The following TINAG variants were observed in gnomAD, a reference collection of about 807,000 sequenced individuals.
TINAG encodes the protein tubulointerstitial nephritis antigen.
A neutral mutation model predicts 72.7 loss-of-function variants in TINAG; 83 were observed. That is an observed-to-expected ratio of 1.14 (90% CI 0.96 to 1.37). The LOEUF (loss-of-function observed/expected upper bound fraction) is 1.37. Among genes scored for constraint, TINAG ranks in the 40% most tolerant of loss-of-function variants. TINAG has a pLI of 0.00. For synonymous variants in TINAG, 234 were observed against 189.9 expected (o/e 1.23, Z -1.91); for missense variants, 685 against 576.6 (o/e 1.19, Z -1.93).
At chr6:54,374,679 G>T (rs1300897372) in intron 9 of TINAG, among the ~76,000 whole-genome samples, 2 of 151,984 alleles carry the variant, frequency 1.3e-5, no homozygotes, top group Non-Finnish European at 2.9e-5. Context: ...ACCTCTGAAA[G>T]CAAAATCCTA....
At chr6:54,354,412 T>G in intron 8 of TINAG, 101 bp from the exon 9 acceptor site, 4 of 1,078,900 alleles carry the variant, frequency 3.7e-6, no homozygotes, top group Non-Finnish European at 5.3e-6. Context: ...TAGATTCATC[T>G]CCTTGCAATT....
chr6:54,326,461 C>T (rs1237645344), intron 3 of TINAG, among the ~76,000 whole-genome samples: 1 of 151,938 alleles, frequency 6.6e-6, no homozygotes, highest in Non-Finnish European at 1.5e-5. Context: ...AAGTGCATTT[C>T]TGTATATTTA....
rs150419952 is a variant in TINAG at position 54,329,947 on chromosome 6, A to C, written c.624+3031A>C. 5.8e-3 allele frequency among the ~76,000 whole-genome samples: 879 copies of C among 152,302 alleles called. 11 individuals are homozygous for C. Among genetic ancestry groups the C allele is most frequent in the African/African-American group, 0.02 (829 of 41,562 alleles). On this transcript the variant is annotated intron_variant, in intron 4 of 10. Transcript: ENST00000259782. The stretch of plus-strand genomic sequence containing the variant: ...ACTATCATGAATATGTATGCACCCA[A>C]TACAGGAGCACCCAGATTCATAAAG...
chr6:54,368,036 A>G (rs1198651643), intron 9 of TINAG, among the ~76,000 whole-genome samples: 1 of 151,640 alleles, frequency 6.6e-6, no homozygotes, highest in Non-Finnish European at 1.5e-5. Context: ...ATGGGAGTTA[A>G]GATTTCAACA....
intron 4 of TINAG, among the ~76,000 whole-genome samples, chr6:54,328,744 C>G (rs1052578032): frequency 2.6e-5 from 4 of 151,880 alleles, no homozygotes; most frequent in African/African-American, 4.8e-5. Context: ...ACAGGAACTA[C>G]TAACCAGAAT....
chr6:54,369,196 GC>G (rs1399624314), intron 9 of TINAG, among the ~76,000 whole-genome samples: 1 of 151,816 alleles, frequency 6.6e-6, no homozygotes, highest in Non-Finnish European at 1.5e-5. Context: ...CTCCTCATGA[GC>G]TTACTCATCT....
intron 8 of TINAG, among the ~76,000 whole-genome samples, chr6:54,353,563 G>A (rs1179128672): frequency 6.6e-6 from 1 of 151,830 alleles, no homozygotes; most frequent in East Asian, 1.9e-4. Flanking sequence ...CTCTAGGAAT[G>A]TGTTTTAGAG....
chr6:54,386,478 C>T (rs890587708), intron 10 of TINAG, among the ~76,000 whole-genome samples: 1 of 152,184 alleles, frequency 6.6e-6, no homozygotes, highest in Middle Eastern at 3.4e-3. Context: ...TGGGTCCAAG[C>T]CCCCATTTTC....
intron 9 of TINAG, among the ~76,000 whole-genome samples, chr6:54,362,559 G>C (rs1763272678): frequency 6.6e-6 from 1 of 151,638 alleles, no homozygotes; most frequent in South Asian, 2.1e-4. Context: ...TGTACAAGGA[G>C]ATTAATGTTG....
At chr6:54,314,241 C>G (rs1784322794) in intron 1 of TINAG, among the ~76,000 whole-genome samples, 1 of 152,164 alleles carries the variant, frequency 6.6e-6, no homozygotes, top group Admixed American at 6.6e-5. Context: ...CCTGGATTCA[C>G]TTTGTCATTA....
chr6:54,347,390 A>T lies in TINAG; in HGVS notation c.772A>T (p.Ile258Phe). 1.2e-6 allele frequency: 2 copies of T among 1,612,828 alleles called. No homozygotes were observed. The highest frequency in any genetic ancestry group is 1.7e-6 in the Non-Finnish European group (2 of 1,179,334). ...TASVAADRIA[I>F]QSKGRYTANL... ...AGGTGTGGCTGCTGACCGAATAGCA[A>T]TTCAGTCTAAGGGTCGATACACGGC... Residue 258 changes from isoleucine to phenylalanine, a missense_variant, in exon 6 of 11, where the codon ATT becomes TTT. By Grantham distance (21) the Ile-to-Phe change is conservative (BLOSUM62 0). Coordinates refer to ENST00000259782, the MANE Select transcript of TINAG (RefSeq NM_014464.4).
At chr6:54,371,924 A>T (rs1211229304) in intron 9 of TINAG, among the ~76,000 whole-genome samples, 1 of 146,618 alleles carries the variant, frequency 6.8e-6, no homozygotes, top group Non-Finnish European at 1.5e-5. Flanking sequence ...GGAGCAATGG[A>T]TTATACAAAG....
intron 9 of TINAG, among the ~76,000 whole-genome samples, chr6:54,379,762 T>TA (rs1303428821): frequency 1.3e-5 from 2 of 152,024 alleles, no homozygotes; most frequent in African/African-American, 4.8e-5. Flanking sequence ...CCTCCTTTTT[T>TA]AATCTAATTT....
At chr6:54,375,353 A>G (rs1443009546) in intron 9 of TINAG, among the ~76,000 whole-genome samples, 2 of 152,142 alleles carry the variant, frequency 1.3e-5, no homozygotes, top group Non-Finnish European at 2.9e-5. Context: ...GTAGAGCCAT[A>G]TCAGTAGAGA....
At chr6:54,380,217 G>A (rs570498215) in intron 9 of TINAG, among the ~76,000 whole-genome samples, 1 of 151,816 alleles carries the variant, frequency 6.6e-6, no homozygotes, top group Non-Finnish European at 1.5e-5. Flanking sequence ...TTGAGGATAA[G>A]TATTTTTTAA....
In TINAG at chr6:54,316,027, C is replaced by T. The variant is rs151253523; in HGVS notation, c.356-4552C>T. ...ATATGACACAAACCAATTCATACAA[C>T]GTCTATAAGCTTCATGAAATCTCCA... On this transcript the variant is annotated intron_variant, in intron 1 of 10. Coordinates refer to ENST00000259782, the MANE Select transcript of TINAG (RefSeq NM_014464.4). 4.0e-3 allele frequency among the ~76,000 whole-genome samples: 607 copies of T among 152,292 alleles called. 2 individuals carry two copies. Among genetic ancestry groups the T allele is most frequent in the Non-Finnish European group, 3.9e-3 (267 of 68,022 alleles).
At chr6:54,378,144 A>T (rs1763837705) in intron 9 of TINAG, among the ~76,000 whole-genome samples, 1 of 152,160 alleles carries the variant, frequency 6.6e-6, no homozygotes, top group Admixed American at 6.6e-5. Context: ...AGGTGAACTA[A>T]CTGCACAATA....
chr6:54,352,196 A>G (rs904327535), intron 8 of TINAG, among the ~76,000 whole-genome samples: 1 of 151,894 alleles, frequency 6.6e-6, no homozygotes, highest in Non-Finnish European at 1.5e-5. Flanking sequence ...GCAGTGGAAT[A>G]AAAAATAGGC....
upstream of TINAG, chr6:54,308,025 A>G (rs149942546): frequency 2.6e-4 from 403 of 1,548,914 alleles, 1 homozygote; most frequent in African/African-American, 4.7e-3. Context: ...CATGATTTAG[A>G]GCAACTGTTA....
Sources: allele counts gnomAD v4.1 joint callset (sites outside exome capture counted in the v4.1 genomes callset), GRCh38; gene constraint gnomAD v4.1.1; transcripts MANE v1.5; gene names NCBI Gene and HGNC (gene_info 2026-07-23, HGNC 2026-07-21).